The following STARD13 variants were observed in gnomAD, a reference collection of about 807,000 sequenced individuals.
STARD13 encodes StAR related lipid transfer domain containing 13, also known as stAR-related lipid transfer protein 13.
STARD13 carries 62 observed loss-of-function variants against 106.4 expected under a neutral mutation model. The observed-to-expected ratio is 0.58, with a 90% CI of 0.48 to 0.72. STARD13 has a LOEUF of 0.72. Among genes scored for constraint, STARD13 ranks in the 30% least tolerant of loss-of-function variants. The pLI, the probability that STARD13 is intolerant of heterozygous loss-of-function variation, is 0.00. For missense variants in STARD13, 1,387 were observed against 1,424.0 expected (o/e 0.97, Z 0.42); for synonymous variants, 565 against 553.0 (o/e 1.02, Z -0.31).
At chr13:33,671,391 G>C in the STARD13 span, among the ~76,000 whole-genome samples, 4 of 152,170 alleles carry the variant, frequency 2.6e-5, no homozygotes, top group Admixed American at 1.3e-4. Context: ...TTTAAAATTG[G>C]TTTTCTGGTT....
At chr13:33,219,612 A>T (rs1425343947) in intron 1 of STARD13, among the ~76,000 whole-genome samples, 1 of 149,582 alleles carries the variant, frequency 6.7e-6, no homozygotes, top group African/African-American at 2.5e-5. Flanking sequence ...CGGGAGGATC[A>T]CTTGAGGCCA....
At chr13:33,473,442 A>T in the STARD13 span, among the ~76,000 whole-genome samples, 2 of 152,256 alleles carry the variant, frequency 1.3e-5, no homozygotes, top group Non-Finnish European at 2.9e-5. Context: ...GTCTGGTTGC[A>T]TGCTGCACAG....
the STARD13 span, among the ~76,000 whole-genome samples, chr13:33,625,256 G>A: frequency 2.0e-5 from 3 of 152,290 alleles, no homozygotes; most frequent in East Asian, 5.8e-4. Flanking sequence ...TGAACGAGAA[G>A]GGTGACCTTG....
At chr13:33,371,034 G>A in the STARD13 span, among the ~76,000 whole-genome samples, 1 of 152,028 alleles carries the variant, frequency 6.6e-6, no homozygotes, top group Middle Eastern at 3.2e-3. Context: ...AAATAAACAG[G>A]CATGAATTAT....
chr13:33,478,418 A>C, the STARD13 span, among the ~76,000 whole-genome samples: 2 of 152,194 alleles, frequency 1.3e-5, no homozygotes, highest in Non-Finnish European at 2.9e-5. Context: ...GGTATCACCC[A>C]AAATATTTTT....
At chr13:33,534,326 A>G in the STARD13 span, among the ~76,000 whole-genome samples, 1 of 152,248 alleles carries the variant, frequency 6.6e-6, no homozygotes, top group African/African-American at 2.4e-5. Context: ...GGAGAGCCAC[A>G]TGAACTAACT....
At chr13:33,601,686 TGTTCTGATTCCA>T in the STARD13 span, among the ~76,000 whole-genome samples, 4 of 152,152 alleles carry the variant, frequency 2.6e-5, no homozygotes, top group African/African-American at 9.7e-5. Context: ...TAAACCTGAG[TGTTCTGATTCCA>T]GATCTCTTTC....
At chr13:33,534,066 G>A in the STARD13 span, among the ~76,000 whole-genome samples, 202 of 152,336 alleles carry the variant, frequency 1.3e-3, 1 homozygote, top group Non-Finnish European at 2.5e-3. Context: ...GTAGAGATAA[G>A]TGGAGTGATG....
intron 1 of STARD13, among the ~76,000 whole-genome samples, chr13:33,212,982 T>A (rs1351397431): frequency 6.6e-6 from 1 of 152,226 alleles, no homozygotes; most frequent in East Asian, 1.9e-4. Context: ...GCTACGTTCT[T>A]GTTTTGAAGC....
downstream of STARD13, among the ~76,000 whole-genome samples, chr13:33,346,432 C>T (rs12583950): frequency 0.19 from 28,548 of 152,074 alleles, 3,695 homozygotes; most frequent in East Asian, 0.6. Context: ...AACCCATAGG[C>T]TTTAATATGC....
At chr13:33,499,610 CTT>C in the STARD13 span, among the ~76,000 whole-genome samples, 566 of 74,630 alleles carry the variant, frequency 7.6e-3, 9 homozygotes, top group Non-Finnish European at 0.01. Context: ...CTTCTTTCTT[CTT>C]CTTCTTCTTC....
intron 1 of STARD13, among the ~76,000 whole-genome samples, chr13:33,265,852 G>A (rs1056534776): frequency 6.6e-6 from 1 of 151,942 alleles, no homozygotes; most frequent in African/African-American, 2.4e-5. Context: ...CAAGCAGAAG[G>A]TACAGTAATA....
intron 1 of STARD13, among the ~76,000 whole-genome samples, chr13:33,230,593 G>A (rs565278119): frequency 3.3e-5 from 5 of 152,188 alleles, no homozygotes; most frequent in East Asian, 3.9e-4. Flanking sequence ...CACCCTTTCC[G>A]GTCAAGGGCT....
rs544780057 is a variant in STARD13 at position 33,222,727 on chromosome 13, G to A, written c.170-55105C>T. On this transcript the variant is annotated intron_variant, in intron 1 of 13. Coordinates refer to ENST00000336934, the MANE Select transcript of STARD13 (RefSeq NM_178006.4). ...TTAGAGATGAAGAAGAAATAAGATA[G>A]CTATATGTTCTATGCACATAATGTG... Among the ~76,000 whole-genome samples the A allele has an allele frequency of 4.6e-5, 7 of 152,292 alleles. No individual in the cohort carries two copies. The South Asian group carries it at 1.0e-3, about 23-fold the overall frequency.
the STARD13 span, among the ~76,000 whole-genome samples, chr13:33,507,435 A>G: frequency 3.3e-5 from 5 of 152,180 alleles, no homozygotes; most frequent in Admixed American, 2.6e-4. Flanking sequence ...TTCTGATTCA[A>G]TGTTTAATAA....
At chr13:33,261,202 G>A (rs1292054840) in intron 1 of STARD13, among the ~76,000 whole-genome samples, 1 of 152,208 alleles carries the variant, frequency 6.6e-6, no homozygotes, top group Non-Finnish European at 1.5e-5. Flanking sequence ...ACAGGGCAAT[G>A]TCTGGAGACA....
chr13:33,269,572 G>A (rs1891059947), intron 1 of STARD13, among the ~76,000 whole-genome samples: 1 of 152,214 alleles, frequency 6.6e-6, no homozygotes, highest in African/African-American at 2.4e-5. Flanking sequence ...GCCTTAGGCA[G>A]TAAGCCCAAT....
Position 33,285,459 on chromosome 13 carries a change from CG to C in STARD13, c.169+10del, listed in dbSNP as rs1173708732. On this transcript the variant is annotated intron_variant, in intron 1 of 13. Coordinates refer to ENST00000336934, the MANE Select transcript of STARD13 (RefSeq NM_178006.4). ...AGAATGAGCAACAGCCTTCCACTGC[CG>C]GCCACTCACCTTGTTGAATTTTAGT... The C allele has an allele frequency of 5.6e-6, 9 of 1,610,020 alleles. No individual in the cohort carries two copies. The South Asian group carries it at 7.7e-5, about 14-fold the overall frequency.
At chr13:33,187,976 C>A (rs193286262) in intron 1 of STARD13, among the ~76,000 whole-genome samples, 1 of 152,182 alleles carries the variant, frequency 6.6e-6, no homozygotes, top group Admixed American at 6.5e-5. Context: ...TGAGCCACTG[C>A]GCCCAACCTA....
Sources: allele counts gnomAD v4.1 joint callset (sites outside exome capture counted in the v4.1 genomes callset), GRCh38; gene constraint gnomAD v4.1.1; transcripts MANE v1.5; gene names NCBI Gene and HGNC (gene_info 2026-07-23, HGNC 2026-07-21).